GLE1: variants seen among roughly 807,000 people sequenced by gnomAD.
The protein encoded by GLE1 is GLE1 RNA export mediator.
GLE1 carries 78 observed loss-of-function variants against 97.3 expected under a neutral mutation model. The ratio of observed to expected loss-of-function variants is 0.80; its 90% confidence interval spans 0.67 to 0.97. The LOEUF is 0.97. Among genes scored for constraint, GLE1 ranks in the 50% least tolerant of loss-of-function variants. The pLI is 0.00. For synonymous variants in GLE1, 302 were observed against 313.4 expected (o/e 0.96, Z 0.39); for missense variants, 753 against 857.5 (o/e 0.88, Z 1.52).
chr9:128,518,913 A>G (rs367982530), intron 3 of GLE1, among the ~76,000 whole-genome samples: 5 of 152,008 alleles, frequency 3.3e-5, no homozygotes, highest in Non-Finnish European at 7.4e-5. Flanking sequence ...GGGACCCCAA[A>G]TGGAGGGACT....
chr9:128,536,732 T>A lies in GLE1; in HGVS notation c.1776+248T>A, dbSNP rs533094047. 35 of 425,748 alleles carry A rather than the reference T, an allele frequency of 8.2e-5. No individual in the cohort carries two copies. In the East Asian group the frequency reaches 1.7e-3, roughly 20 times the overall value. The allele number at this position is 425,748 out of a possible 1,614,324, so 26.4% of individuals were successfully genotyped here. A position where few individuals can be genotyped will look rare whatever the true frequency, so the allele number is the denominator to read the frequency against. On this transcript the variant is annotated intron_variant, in intron 12 of 15. Coordinates refer to ENST00000309971, the MANE Select transcript of GLE1 (RefSeq NM_001003722.2). ...CAGAGGAGAGTCTGTTATAAATCAGTCATTAAGGTTAGAAGATTTTCTTAC... is the reference window on the plus strand; with the variant it reads ...CAGAGGAGAGTCTGTTATAAATCAGACATTAAGGTTAGAAGATTTTCTTAC...
At chr9:128,523,402 C>A in intron 5 of GLE1, 62 bp downstream of exon 5, 1 of 1,487,834 alleles carries the variant, frequency 6.7e-7, no homozygotes. Context: ...GCCTGGAGAG[C>A]CAGGTTTTGG....
At chr9:128,524,526 GT>G in intron 6 of GLE1, among the ~76,000 whole-genome samples, 1 of 96,198 alleles carries the variant, frequency 1.0e-5, no homozygotes, top group Non-Finnish European at 2.1e-5. Context: ...TACCTGCCCT[GT>G]TTCTTTGCTT....
In GLE1 at chr9:128,536,467, T is replaced by C; in HGVS notation, c.1759T>C (p.Tyr587His). 1 of 1,613,854 alleles carries C rather than the reference T, an allele frequency of 6.2e-7. No homozygotes were observed. The highest frequency in any genetic ancestry group is 8.5e-7 in the Non-Finnish European group (1 of 1,179,810). Reference protein sequence around the residue: ...YAAIIQLRWPYGNRQEIHPHG... With the variant: ...YAAIIQLRWPHGNRQEIHPHG... ...TGCTATCATCCAGCTCCGGTGGCCA[T>C]ATGGAAACCGACAGGAGGTAGGTAA... The change falls in exon 12 of 16, where the codon TAT (tyrosine) becomes CAT (histidine). Residue 587 changes from tyrosine (Y) to histidine (H), a missense_variant. Transcript: ENST00000309971.
intron 3 of GLE1, among the ~76,000 whole-genome samples, chr9:128,517,041 G>C (rs965933542): frequency 1.7e-4 from 26 of 152,136 alleles, no homozygotes; most frequent in African/African-American, 6.0e-4. Flanking sequence ...CGTAATCCCA[G>C]CACTTTGGGA....
chr9:128,528,932 AGT>A (rs1008132878), intron 9 of GLE1: 1 of 152,090 alleles, frequency 6.6e-6, no homozygotes, highest in African/African-American at 2.4e-5. Context: ...GTGGCTGGGG[AGT>A]GTGTGTGCAA....
intron 3 of GLE1, among the ~76,000 whole-genome samples, chr9:128,516,797 G>A (rs1378901263): frequency 2.7e-5 from 4 of 150,590 alleles, no homozygotes; most frequent in African/African-American, 7.3e-5. Context: ...GCTAATTTTT[G>A]TATTTTTTAG....
At chr9:128,541,018 T>A in intron 15 of GLE1, 84 bp from the exon 16 acceptor site, 1 of 837,782 alleles carries the variant, frequency 1.2e-6, no homozygotes. Context: ...AATATGGTGT[T>A]CCTCAAAGCT....
chr9:128,534,608 T>G (rs2132513470), intron 11 of GLE1, among the ~76,000 whole-genome samples: 1 of 152,282 alleles, frequency 6.6e-6, no homozygotes, highest in South Asian at 2.1e-4. Flanking sequence ...CTCCTGTGAA[T>G]TTACCTCATG....
At position 128,518,799 on chromosome 9, in the gene GLE1, C is replaced by T. The variant is rs139494090; in HGVS notation, c.432+3160C>T. Among the ~76,000 whole-genome samples, 1,324 of 146,592 alleles carry T rather than the reference C, an allele frequency of 9.0e-3. 11 individuals are homozygous for T. Among genetic ancestry groups the T allele is most frequent in the Middle Eastern group, 0.029 (8 of 278 alleles). ...AGGAGAATCGCTTGAACCCAGGAGG[C>T]GGAGTTTGCAGTGAGCCAAGATTGC... On this transcript the variant is annotated intron_variant, in intron 3 of 15. Coordinates refer to ENST00000309971, the MANE Select transcript of GLE1 (RefSeq NM_001003722.2).
At chr9:128,540,412 A>G in intron 15 of GLE1, 74 bp downstream of exon 15, 1 of 904,106 alleles carries the variant, frequency 1.1e-6, no homozygotes, top group Non-Finnish European at 1.9e-6. Flanking sequence ...CAAGTCTTGG[A>G]CCTTCCGATG....
intron 13 of GLE1, among the ~76,000 whole-genome samples, chr9:128,538,553 T>C (rs113759272): frequency 0.029 from 4,343 of 152,192 alleles, 108 homozygotes; most frequent in African/African-American, 0.069. Flanking sequence ...TCCCAGCACT[T>C]TGGGAGGCCG....
intron 3 of GLE1, among the ~76,000 whole-genome samples, chr9:128,519,917 A>G (rs866147031): frequency 6.6e-6 from 1 of 152,098 alleles, no homozygotes; most frequent in Non-Finnish European, 1.5e-5. Context: ...AAGCTGGCCA[A>G]TGCTTAGGGA....
At chr9:128,515,737 C>T in intron 3 of GLE1, 98 bp downstream of exon 3, 1 of 724,752 alleles carries the variant, frequency 1.4e-6, no homozygotes, top group South Asian at 1.5e-5. Flanking sequence ...GCTACTCATC[C>T]TTCCCACCTA....
intron 11 of GLE1, among the ~76,000 whole-genome samples, chr9:128,535,302 C>T (rs913497724): frequency 2.0e-5 from 3 of 149,376 alleles, no homozygotes; most frequent in Non-Finnish European, 1.5e-5. Flanking sequence ...GGGCGGATCA[C>T]CTGAGGCCAA....
intron 14 of GLE1, chr9:128,539,927 G>A: frequency 7.9e-7 from 1 of 1,260,868 alleles, no homozygotes; most frequent in Non-Finnish European, 1.1e-6. Flanking sequence ...CAAATTAGGG[G>A]CTGAGCACAG....
At chr9:128,520,426 A>ATG (rs747296361) in intron 3 of GLE1, among the ~76,000 whole-genome samples, 1 of 145,648 alleles carries the variant, frequency 6.9e-6, no homozygotes, top group Non-Finnish European at 1.5e-5. Context: ...ATATGTATAT[A>ATG]TGTATATATA....
intron 3 of GLE1, among the ~76,000 whole-genome samples, chr9:128,522,351 A>G (rs1429102284): frequency 1.3e-5 from 2 of 152,216 alleles, no homozygotes; most frequent in Non-Finnish European, 2.9e-5. Flanking sequence ...AAGGCGCTCC[A>G]GAGAGCAGGT....
chr9:128,513,150 G>A (rs1194610770), intron 2 of GLE1, among the ~76,000 whole-genome samples: 3 of 151,946 alleles, frequency 2.0e-5, no homozygotes, highest in Non-Finnish European at 1.5e-5. Flanking sequence ...GAGTGCATTT[G>A]GAATCACCTA....
Sources: gnomAD v4.1 joint callset for allele counts (sites outside exome capture counted in the v4.1 genomes callset) on GRCh38, gnomAD v4.1.1 for gene constraint, MANE v1.5 for transcripts, NCBI Gene and HGNC (gene_info 2026-07-23, HGNC 2026-07-21) for gene names.